Variants in NRXN1 observed in about 807,000 individuals in gnomAD.
NRXN1 encodes neurexin-1.
NRXN1 carries 39 observed loss-of-function variants against 150.9 expected under a neutral mutation model. That is an observed-to-expected ratio of 0.26 (90% CI 0.20 to 0.34). The LOEUF (loss-of-function observed/expected upper bound fraction) is 0.34, where lower values mean the gene tolerates loss of function less well. NRXN1 is among the 10% of genes least tolerant of loss of function. The probability of loss-of-function intolerance (pLI) is 1.00; values close to 1 mark genes in which losing one functional copy is unlikely to be tolerated. For missense variants in NRXN1, 1,815 were observed against 1,949.9 expected (o/e 0.93, Z 1.30); for synonymous variants, 924 against 757.0 (o/e 1.22, Z -3.62).
intron 5 of NRXN1, among the ~76,000 whole-genome samples, chr2:50,891,394 C>T (rs1011533681): frequency 7.2e-5 from 11 of 152,016 alleles, no homozygotes; most frequent in African/African-American, 2.7e-4. Context: ...AAGGCCATAA[C>T]CTTCTTTCCT....
intron 18 of NRXN1, among the ~76,000 whole-genome samples, chr2:50,173,999 G>A (rs141517470): frequency 0.014 from 2,192 of 151,978 alleles, 30 homozygotes; most frequent in Non-Finnish European, 0.024. Flanking sequence ...CCTACCACAA[G>A]TCCTCCCTAA....
chr2:50,285,581 T>C (rs942975014), intron 17 of NRXN1, among the ~76,000 whole-genome samples: 20 of 152,148 alleles, frequency 1.3e-4, no homozygotes, highest in African/African-American at 4.8e-4. Flanking sequence ...CCAAGAATCA[T>C]TTTTTTTCCC....
intron 21 of NRXN1, chr2:49,974,227 G>A: frequency 1.5e-6 from 1 of 686,012 alleles, no homozygotes; most frequent in Non-Finnish European, 2.7e-6. Context: ...ACGTGTCACT[G>A]AGGAGCCAAT....
intron 17 of NRXN1, among the ~76,000 whole-genome samples, chr2:50,380,440 C>CT (rs1430164389): frequency 1.3e-5 from 2 of 151,836 alleles, no homozygotes; most frequent in Non-Finnish European, 2.9e-5. Flanking sequence ...GTTTTCAATT[C>CT]TTTTTTATAT....
intron 17 of NRXN1, among the ~76,000 whole-genome samples, chr2:50,301,391 T>C (rs2074136295): frequency 3.3e-5 from 5 of 152,176 alleles, no homozygotes; most frequent in Admixed American, 3.3e-4. Context: ...ATCCAGAAAA[T>C]CTGACTCCAG....
chr2:50,864,247 G>C (rs963221548), intron 5 of NRXN1, among the ~76,000 whole-genome samples: 4 of 151,936 alleles, frequency 2.6e-5, no homozygotes, highest in African/African-American at 9.7e-5. Flanking sequence ...TACTGTGCTA[G>C]GTATACAGTG....
At chr2:50,246,182 A>G (rs1330525111) in intron 17 of NRXN1, among the ~76,000 whole-genome samples, 2 of 151,966 alleles carry the variant, frequency 1.3e-5, no homozygotes, top group Non-Finnish European at 2.9e-5. Flanking sequence ...ATCCTCTCTA[A>G]GCAGCCATCC....
intron 17 of NRXN1, among the ~76,000 whole-genome samples, chr2:50,353,965 G>T (rs1376244057): frequency 6.6e-6 from 1 of 152,138 alleles, no homozygotes; most frequent in Non-Finnish European, 1.5e-5. Flanking sequence ...CCCAGGTGAT[G>T]CTGAAGCTGC....
At chr2:50,665,669 T>C (rs1290372165) in intron 5 of NRXN1, among the ~76,000 whole-genome samples, 2 of 152,018 alleles carry the variant, frequency 1.3e-5, no homozygotes, top group Non-Finnish European at 2.9e-5. Flanking sequence ...TATAAAATGG[T>C]AGGTTTTGCT....
At position 50,070,702 on chromosome 2, in the gene NRXN1, G is replaced by A. The variant is rs1032953720; in HGVS notation, c.3719-15658C>T. ...GGAGAATGGCGTGAACCCGGGAGGCGGAGCTTGCAGTGAGCCGAGATCCCG... is the reference window on the plus strand; with the variant it reads ...GGAGAATGGCGTGAACCCGGGAGGCAGAGCTTGCAGTGAGCCGAGATCCCG... On this transcript the variant is annotated intron_variant, in intron 19 of 22. Coordinates refer to ENST00000401669, the MANE Select transcript of NRXN1 (RefSeq NM_001330078.2). 6.7e-5 allele frequency among the ~76,000 whole-genome samples: 10 copies of A among 149,630 alleles called. No individual in the cohort carries two copies. The South Asian group carries it at 8.5e-4, about 13-fold the overall frequency.
chr2:50,616,893 A>G (rs972368996), intron 8 of NRXN1, among the ~76,000 whole-genome samples: 2 of 152,208 alleles, frequency 1.3e-5, no homozygotes, highest in Non-Finnish European at 2.9e-5. Flanking sequence ...TGTGCTATCG[A>G]CCAGGAAGTC....
intron 8 of NRXN1, among the ~76,000 whole-genome samples, chr2:50,576,340 A>T (rs924895861): frequency 4.0e-5 from 6 of 151,832 alleles, no homozygotes; most frequent in Non-Finnish European, 5.9e-5. Context: ...TCAGTAATAG[A>T]TTTTTTTTGG....
At position 50,100,048 on chromosome 2, in the gene NRXN1, C is replaced by T. The variant is rs73932930; in HGVS notation, c.3547-8554G>A. 7.7e-3 allele frequency among the ~76,000 whole-genome samples: 1,175 copies of T among 151,994 alleles called. 16 individuals are homozygous for T. Among genetic ancestry groups the T allele is most frequent in the African/African-American group, 0.027 (1,123 of 41,460 alleles). On this transcript the variant is annotated intron_variant, in intron 18 of 22. Coordinates refer to ENST00000401669, the MANE Select transcript of NRXN1 (RefSeq NM_001330078.2). ...GTTTTTTGAAACACATTGAAGGTGC[C>T]TAAGTTTGAATTTGAGTCTCTCTTA...
chr2:50,644,616 C>A (rs1246778261), intron 5 of NRXN1, among the ~76,000 whole-genome samples: 1 of 151,388 alleles, frequency 6.6e-6, no homozygotes, highest in Non-Finnish European at 1.5e-5. Flanking sequence ...TTTTTTCCCC[C>A]AGGTTTGATC....
At chr2:50,111,591 A>T (rs752934257) in intron 18 of NRXN1, among the ~76,000 whole-genome samples, 1 of 151,922 alleles carries the variant, frequency 6.6e-6, no homozygotes, top group Non-Finnish European at 1.5e-5. Flanking sequence ...GTGAGCCAAG[A>T]TCGCCCCACT....
chr2:49,944,976 T>G, intron 21 of NRXN1: 1 of 152,228 alleles, frequency 6.6e-6, no homozygotes, highest in East Asian at 1.9e-4. Context: ...TGTGGCATTT[T>G]GAAAAATGGA....
intron 8 of NRXN1, among the ~76,000 whole-genome samples, chr2:50,567,380 T>G (rs1670035110): frequency 6.6e-6 from 1 of 152,072 alleles, no homozygotes; most frequent in Non-Finnish European, 1.5e-5. Context: ...TTTTTTTCAT[T>G]GTAACTGATG....
At chr2:50,881,321 T>C (rs1679393481) in intron 5 of NRXN1, among the ~76,000 whole-genome samples, 1 of 151,912 alleles carries the variant, frequency 6.6e-6, no homozygotes, top group Non-Finnish European at 1.5e-5. Flanking sequence ...TGTACTTTGT[T>C]GCAATATATA....
At chr2:50,210,171 T>C (rs2062913177) in intron 18 of NRXN1, among the ~76,000 whole-genome samples, 1 of 152,108 alleles carries the variant, frequency 6.6e-6, no homozygotes, top group East Asian at 1.9e-4. Flanking sequence ...GCCTAAAGAA[T>C]AGCCTTGTTT....
Sources: gnomAD v4.1 joint callset for allele counts (sites outside exome capture counted in the v4.1 genomes callset) on GRCh38, gnomAD v4.1.1 for gene constraint, MANE v1.5 for transcripts, NCBI Gene and HGNC (gene_info 2026-07-23, HGNC 2026-07-21) for gene names.